The following ZNF292 variants were observed in gnomAD, a reference collection of about 807,000 sequenced individuals.
ZNF292 encodes the protein zinc finger protein 292.
A neutral mutation model predicts 217.9 loss-of-function variants in ZNF292; 26 were observed. The ratio of observed to expected loss-of-function variants is 0.12; its 90% confidence interval spans 0.09 to 0.17. ZNF292 has a LOEUF of 0.17. ZNF292 is among the 10% of genes least tolerant of loss of function. The pLI, the probability that ZNF292 is intolerant of heterozygous loss-of-function variation, is 1.00. For synonymous variants in ZNF292, 1,257 were observed against 1,124.1 expected, an observed-to-expected ratio of 1.12 and a Z score of -2.37; for missense variants, 2,904 against 3,175.2, an observed-to-expected ratio of 0.91 and a Z score of 2.05.
intron 1 of ZNF292, chr6:87,174,034 C>A: frequency 4.0e-6 from 1 of 250,582 alleles, no homozygotes; most frequent in South Asian, 5.2e-5. Context: ...ATAAATATCT[C>A]CCAGTTCACC....
rs1045139545 is a variant in ZNF292, at chr6:87,258,648, A to C, written c.5019A>C (p.Val1673=). ...EIPTTNLHSN[V]IPTCEPQSLV... is the part of the protein sequence containing the mutation. Reference sequence around the variant, plus strand: ...CAACTACTAACCTTCATTCAAATGTAATTCCAACTTGTGAACCTCAGAGTT... The same window carrying C: ...CAACTACTAACCTTCATTCAAATGTCATTCCAACTTGTGAACCTCAGAGTT... Residue 1673 remains valine (V), a synonymous_variant, in exon 8 of 8, where the codon GTA becomes GTC. Coordinates refer to ENST00000369577, the MANE Select transcript of ZNF292 (RefSeq NM_015021.3). 3 of 1,613,490 alleles carry C rather than the reference A, an allele frequency of 1.9e-6. No homozygotes were observed. Among genetic ancestry groups the C allele is most frequent in the Middle Eastern group, 1.6e-4 (1 of 6,084 alleles).
rs368641607 is a variant in ZNF292 at position 87,260,313 on chromosome 6, T to C, written c.6684T>C (p.Thr2228=). The part of the protein sequence containing the change: ...CDQLECKSSF[T]TYLNYVVHLE... Reference sequence around the variant, plus strand: ...AGTTAGAGTGTAAATCTTCATTTACTACATATTTGAACTATGTTGTTCATC... The same window carrying C: ...AGTTAGAGTGTAAATCTTCATTTACCACATATTTGAACTATGTTGTTCATC... Residue 2228 remains threonine (T), a synonymous_variant, in exon 8 of 8, where the codon ACT becomes ACC. Coordinates refer to ENST00000369577, the MANE Select transcript of ZNF292 (RefSeq NM_015021.3). The C allele has an allele frequency of 1.2e-4, 192 of 1,613,476 alleles. No homozygotes were observed. Among genetic ancestry groups the C allele is most frequent in the Non-Finnish European group, 1.5e-4 (179 of 1,179,610 alleles).
At chr6:87,220,397 T>G (rs1477813076) in intron 4 of ZNF292, among the ~76,000 whole-genome samples, 6 of 152,206 alleles carry the variant, frequency 3.9e-5, no homozygotes, top group Non-Finnish European at 8.8e-5. Context: ...TTATTGTCCC[T>G]GTTTTTCAGA....
Position 87,259,692 on chromosome 6 carries a change from T to C in ZNF292, c.6063T>C (p.Pro2021=). The part of the protein sequence containing the change: ...MTEENKKESQ[P]ALELRAETQN... ...AGGAAAATAAAAAGGAATCTCAGCC[T>C]GCTTTAGAATTGAGAGCAGAGACCC... Residue 2021 remains proline, a synonymous_variant, in exon 8 of 8, where the codon CCT becomes CCC. Transcript: ENST00000369577. 1 of 1,599,534 alleles carries C rather than the reference T, an allele frequency of 6.3e-7. No individual in the cohort carries two copies. The highest frequency in any genetic ancestry group is 1.1e-5 in the South Asian group (1 of 88,568).
At position 87,262,410 on chromosome 6, in the gene ZNF292, A is replaced by G. The variant is rs1236010185; in HGVS notation, c.*609A>G. 1.3e-5 allele frequency: 2 copies of G among 152,078 alleles called. No homozygotes were observed. The highest frequency in any genetic ancestry group is 2.9e-5 in the Non-Finnish European group (2 of 67,940). 9.4% of individuals were successfully genotyped at this position (152,078 alleles called of 1,614,324 possible). On this transcript the variant is annotated 3_prime_UTR_variant, in exon 8 of 8. Coordinates refer to ENST00000369577, the MANE Select transcript of ZNF292 (RefSeq NM_015021.3). Reference sequence around the variant, plus strand: ...ACTTTTCACAAAATAGGCACATTATATCAACACTTTGCTCTGCTTTGTAAA... The same window carrying G: ...ACTTTTCACAAAATAGGCACATTATGTCAACACTTTGCTCTGCTTTGTAAA...
At chr6:87,237,770 A>C (rs939599572) in intron 5 of ZNF292, among the ~76,000 whole-genome samples, 5 of 152,170 alleles carry the variant, frequency 3.3e-5, no homozygotes, top group African/African-American at 9.7e-5. Context: ...TTGGTTTTAA[A>C]TATTTTATTA....
Position 87,256,268 on chromosome 6 carries a change from A to G in ZNF292, c.2639A>G (p.Asn880Ser), listed in dbSNP as rs1239648917. The G allele has an allele frequency of 1.7e-5, 28 of 1,613,872 alleles. No individual in the cohort carries two copies. Among genetic ancestry groups the G allele is most frequent in the Non-Finnish European group, 2.3e-5 (27 of 1,179,818 alleles). Reference sequence around the variant, plus strand: ...CTTCCTTCAGAAAATAACATTGAAAACAGCTTACTAGCAGATAGAAGTGAT... The same window carrying G: ...CTTCCTTCAGAAAATAACATTGAAAGCAGCTTACTAGCAGATAGAAGTGAT... Reference protein sequence around the residue: ...SMLPSENNIENSLLADRSDAW... With the variant: ...SMLPSENNIESSLLADRSDAW... The change falls in exon 8 of 8, where the codon AAC becomes AGC. Residue 880 changes from asparagine (N) to serine (S), a missense_variant. Asn to Ser is a conservative substitution (Grantham distance 46). Around this residue, in one of 15 missense-constraint regions of ZNF292, gnomAD observed 687 missense variants for 623.0 expected, o/e 1.10. Coordinates refer to ENST00000369577, the MANE Select transcript of ZNF292 (RefSeq NM_015021.3).
intron 1 of ZNF292, among the ~76,000 whole-genome samples, chr6:87,209,104 A>ACCCCCCCCCCCC (rs5878022): frequency 1.5e-5 from 2 of 137,304 alleles, no homozygotes; most frequent in Admixed American, 7.1e-5. Flanking sequence ...CCCCACTTTC[A>ACCCCCCCCCCCC]CCCCCCCCTC....
At chr6:87,243,763 C>T (rs781286925) in intron 6 of ZNF292, among the ~76,000 whole-genome samples, 152 bp downstream of exon 6, 7 of 152,040 alleles carry the variant, frequency 4.6e-5, no homozygotes, top group Non-Finnish European at 1.0e-4. Context: ...AACTTATTAT[C>T]GAGTAGTTGT....
intron 1 of ZNF292, among the ~76,000 whole-genome samples, chr6:87,210,483 G>T (rs1772437276): frequency 6.6e-6 from 1 of 151,800 alleles, no homozygotes; most frequent in Admixed American, 6.6e-5. Flanking sequence ...TAGAGCAGAT[G>T]CAGTAGCCAC....
chr6:87,256,797 A>G lies in ZNF292; in HGVS notation c.3168A>G (p.Thr1056=), dbSNP rs1410955368. ...SKFECGDNVK[T]SSNLYNLPLK... is the part of the protein sequence containing the mutation. ...TTGAATGTGGAGATAATGTTAAAAC[A>G]TCATCCAATCTTTATAATTTACCTC... Residue 1056 remains threonine (T), a synonymous_variant, in exon 8 of 8, where the codon ACA becomes ACG. Transcript: ENST00000369577. 1 of 1,613,256 alleles carries G rather than the reference A, an allele frequency of 6.2e-7. No individual in the cohort carries two copies. Among genetic ancestry groups the G allele is most frequent in the African/African-American group, 1.3e-5 (1 of 74,946 alleles).
chr6:87,258,913 A>G lies in ZNF292; in HGVS notation c.5284A>G (p.Ile1762Val), dbSNP rs779068992. 6.8e-6 allele frequency: 11 copies of G among 1,608,428 alleles called. No individual in the cohort carries two copies. The highest frequency in any genetic ancestry group is 6.8e-5 in the Admixed American group (4 of 58,998). Reference protein sequence around the residue: ...IQNFEKTLEIIKTAMNSQILE... With the variant: ...IQNFEKTLEIVKTAMNSQILE... ...AAACTTTGAAAAGACTCTTGAAATT[A>G]TTAAAACTGCTATGAATTCTCAAAT... Residue 1762 changes from isoleucine (I) to valine (V), a missense_variant, in exon 8 of 8, where the codon ATT (isoleucine) becomes GTT (valine). Ile to Val is a conservative substitution (Grantham distance 29, BLOSUM62 3). Around this residue, in one of 15 missense-constraint regions of ZNF292, gnomAD observed 622 missense variants for 573.1 expected, o/e 1.09. Transcript: ENST00000369577.
chr6:87,243,325 T>C (rs1230890181), intron 5 of ZNF292, 150 bp from the exon 6 acceptor site: 2 of 520,832 alleles, frequency 3.8e-6, no homozygotes, highest in Non-Finnish European at 5.8e-6. Flanking sequence ...GTCCCAGTAA[T>C]GACAAATTAT....
intron 1 of ZNF292, among the ~76,000 whole-genome samples, chr6:87,203,485 C>T (rs73483758): frequency 0.082 from 12,419 of 151,982 alleles, 860 homozygotes; most frequent in African/African-American, 0.19. Context: ...TAGGATAACA[C>T]CTACTAGGCC....
chr6:87,239,928 C>T (rs569070281), intron 5 of ZNF292, among the ~76,000 whole-genome samples: 1 of 152,014 alleles, frequency 6.6e-6, no homozygotes, highest in African/African-American at 2.4e-5. Context: ...GGCAGAGACG[C>T]TCCTCACTTC....
intron 1 of ZNF292, among the ~76,000 whole-genome samples, chr6:87,185,401 GT>G (rs1474718139): frequency 6.6e-6 from 1 of 152,128 alleles, no homozygotes; most frequent in Non-Finnish European, 1.5e-5. Flanking sequence ...CACTGCTTTC[GT>G]TACCGGTGTC....
intron 1 of ZNF292, among the ~76,000 whole-genome samples, chr6:87,157,903 G>A (rs1261866387): frequency 6.6e-6 from 1 of 151,988 alleles, no homozygotes; most frequent in African/African-American, 2.4e-5. Flanking sequence ...ACTGTATGTC[G>A]GCCAGGCTGG....
Position 87,257,681 on chromosome 6 carries a change from C to T in ZNF292, c.4052C>T (p.Pro1351Leu), listed in dbSNP as rs751717588. Residue 1351 changes from proline (P) to leucine (L), a missense_variant, in exon 8 of 8, where the codon CCA (proline) becomes CTA (leucine). Pro to Leu is a moderately conservative substitution (Grantham distance 98). Around this residue, in one of 15 missense-constraint regions of ZNF292, gnomAD observed 687 missense variants for 623.0 expected, o/e 1.10. Coordinates refer to ENST00000369577, the MANE Select transcript of ZNF292 (RefSeq NM_015021.3). ...GTTAAAAAAGACCGTGGGCGGGGCC[C>T]AAATGGGAAGGAAAGAAAACCTAAG... Reference protein sequence around the residue: ...EKVKKDRGRGPNGKERKPKHN... With the variant: ...EKVKKDRGRGLNGKERKPKHN... The T allele has an allele frequency of 6.2e-7, 1 of 1,612,042 alleles. No individual in the cohort carries two copies. Among genetic ancestry groups the T allele is most frequent in the East Asian group, 2.2e-5 (1 of 44,784 alleles).
intron 7 of ZNF292, among the ~76,000 whole-genome samples, chr6:87,246,648 T>G (rs889265528): frequency 5.3e-5 from 8 of 152,166 alleles, no homozygotes; most frequent in African/African-American, 1.7e-4. Flanking sequence ...GCGGATGACT[T>G]GAGGTCAGAA....
Sources: gnomAD v4.1 joint callset for allele counts (sites outside exome capture counted in the v4.1 genomes callset) on GRCh38, gnomAD v4.1.1 for gene constraint, gnomAD v4.1.1 regional missense constraint, MANE v1.5 for transcripts, NCBI Gene and HGNC (gene_info 2026-07-23, HGNC 2026-07-21) for gene names.